ARHGAP27: variants seen among roughly 807,000 people sequenced by gnomAD.
ARHGAP27 encodes the protein rho GTPase-activating protein 27.
ARHGAP27 carries 53 observed loss-of-function variants against 102.0 expected under a neutral mutation model. The ratio of observed to expected loss-of-function variants is 0.52; its 90% CI spans 0.42 to 0.65. ARHGAP27 has a LOEUF of 0.65. Among genes scored for constraint, ARHGAP27 ranks in the 30% least tolerant of loss-of-function variants. The probability of loss-of-function intolerance (pLI) is 0.00; values close to 1 mark genes in which losing one functional copy is unlikely to be tolerated. For missense variants in ARHGAP27, 1,117 were observed against 1,256.2 expected, an observed-to-expected ratio of 0.89 and a Z score of 1.68; for synonymous variants, 525 against 542.8, an observed-to-expected ratio of 0.97 and a Z score of 0.46.
intron 11 of ARHGAP27, among the ~76,000 whole-genome samples, chr17:45,403,390 T>C (rs2046692086): frequency 6.6e-6 from 1 of 151,984 alleles, no homozygotes; most frequent in Non-Finnish European, 1.5e-5. Context: ...TAAAACCCTA[T>C]CTCTACTAAA....
chr17:45,410,406 G>A (rs915597604), intron 4 of ARHGAP27: 9 of 1,376,670 alleles, frequency 6.5e-6, no homozygotes, highest in African/African-American at 4.5e-5. Flanking sequence ...CCGAGATGGC[G>A]GGAGGCTGAG....
In ARHGAP27 at chr17:45,404,530, T is replaced by G; in HGVS notation, c.1330-2A>C. 1.2e-6 allele frequency: 2 copies of G among 1,613,274 alleles called. No homozygotes were observed. Among genetic ancestry groups the G allele is most frequent in the Non-Finnish European group, 1.7e-6 (2 of 1,179,704 alleles). On this transcript the variant is annotated splice_acceptor_variant, in intron 7 of 19. Coordinates refer to ENST00000685559, the MANE Select transcript of ARHGAP27 (RefSeq NM_001282290.2). LOFTEE classifies it high-confidence loss of function. ...GCTTCGAGGGGCAGGGACAGGGACC[T>G]GGGGAGAAAGACACAGTCGTATATG...
rs1323286745 is a variant in ARHGAP27, at chr17:45,399,620, GA to G, written c.1744-1574del. Reference sequence around the variant, plus strand: ...GAAAAGAAAAGAAAAGAAAAGAAAAGAAAATGGCATATCTCATCCCCTAGCC... The same window carrying G: ...GAAAAGAAAAGAAAAGAAAAGAAAAGAAATGGCATATCTCATCCCCTAGCC... On this transcript the variant is annotated intron_variant, in intron 12 of 19. Transcript: ENST00000685559. Among the ~76,000 whole-genome samples, 4 of 136,440 alleles carry G rather than the reference GA, an allele frequency of 2.9e-5. No homozygotes were observed. The East Asian group carries it at 6.5e-4, about 22-fold the overall frequency. 89.5% of individuals were successfully genotyped at this position (136,440 alleles called of 152,430 possible). A position where few individuals can be genotyped will look rare whatever the true frequency, so the allele number is the denominator to read the frequency against.
At chr17:45,397,860 C>G in intron 13 of ARHGAP27, 89 bp downstream of exon 13, 1 of 1,194,006 alleles carries the variant, frequency 8.4e-7, no homozygotes, top group Non-Finnish European at 1.2e-6. Context: ...CCCACTGGTA[C>G]CTTAGAGCTC....
intron 4 of ARHGAP27, among the ~76,000 whole-genome samples, chr17:45,423,614 C>A (rs1469014183): frequency 6.6e-6 from 1 of 152,168 alleles, no homozygotes; most frequent in Admixed American, 6.5e-5. Flanking sequence ...ATCTTCCATA[C>A]CATAACTGCC....
At chr17:45,397,313 A>G (rs944589007) in intron 13 of ARHGAP27, 5 of 1,304,932 alleles carry the variant, frequency 3.8e-6, no homozygotes, top group Admixed American at 3.7e-5. Context: ...TTCTTTCTCT[A>G]TTTTCCTCAG....
intron 4 of ARHGAP27, among the ~76,000 whole-genome samples, chr17:45,424,112 C>A (rs550551718): frequency 6.6e-6 from 1 of 152,192 alleles, no homozygotes; most frequent in Non-Finnish European, 1.5e-5. Flanking sequence ...CCCCTCCTTT[C>A]ATGCCTCACA....
At chr17:45,424,669 A>T (rs1246630124) in intron 4 of ARHGAP27, among the ~76,000 whole-genome samples, 1 of 145,088 alleles carries the variant, frequency 6.9e-6, no homozygotes, top group Non-Finnish European at 1.5e-5. Context: ...GGAGTGGGGG[A>T]AGGGTGGGAG....
intron 4 of ARHGAP27, chr17:45,410,025 CCT>C (rs1299295188): frequency 3.2e-6 from 2 of 622,758 alleles, no homozygotes; most frequent in African/African-American, 3.8e-5. Context: ...AGTTCCCTCC[CCT>C]GTCCACAAGC....
rs368845773 is a variant in ARHGAP27 at position 45,395,896 on chromosome 17, G to T, written c.2387-47C>A. 7 of 1,579,890 alleles carry T rather than the reference G, an allele frequency of 4.4e-6. No individual in the cohort carries two copies. The South Asian group carries it at 4.6e-5, about 10-fold the overall frequency. The stretch of plus-strand genomic sequence containing the variant: ...GGGAGGGAGTCGGAACGGGAGGTAG[G>T]GGGTATCGGCTGGGCGAGGGGAGCC... On this transcript the variant is annotated intron_variant, in intron 18 of 19. Transcript: ENST00000685559.
Position 45,395,801 on chromosome 17 carries a change from C to G in ARHGAP27, c.2435G>C (p.Arg812Pro). Residue 812 changes from arginine (R) to proline (P), a missense_variant, in exon 19 of 20, where the codon CGC (arginine) becomes CCC (proline). By Grantham distance (103) the Arg-to-Pro change is moderately radical. Transcript: ENST00000685559. Reference protein sequence around the residue: ...RRSRCVRDLVRSLPAPNHDTL... With the variant: ...RRSRCVRDLVPSLPAPNHDTL... ...GTCGTGGTTGGGAGCGGGCAGCGAG[C>G]GCACCAAGTCACGCACACAGCGGCT... 2 of 1,605,936 alleles carry G rather than the reference C, an allele frequency of 1.2e-6. No homozygotes were observed. The highest frequency in any genetic ancestry group is 1.3e-5 in the African/African-American group (1 of 74,912).
chr17:45,403,321 A>G (rs987107552), intron 11 of ARHGAP27, among the ~76,000 whole-genome samples: 2 of 152,176 alleles, frequency 1.3e-5, no homozygotes, highest in Non-Finnish European at 2.9e-5. Context: ...GCACTTGAGG[A>G]GGTCGAGGTG....
Position 45,396,508 on chromosome 17 carries a change from T to C in ARHGAP27, c.2152A>G (p.Ile718Val), listed in dbSNP as rs758940297. The C allele has an allele frequency of 2.2e-5, 34 of 1,564,334 alleles. No individual in the cohort carries two copies. In the South Asian group the frequency reaches 3.7e-4, roughly 17 times the overall value. ...GTACCGCGGGCCTCGACGGCGCGGA[T>C]GCACTGCTGCACGAAGCGTGGCACC... ...SRVPRFVQQC[I>V]RAVEARGLDI... Residue 718 changes from isoleucine (I) to valine (V), a missense_variant, in exon 16 of 20, where the codon ATC becomes GTC. Ile to Val is a conservative substitution (Grantham distance 29). Around this residue, in one of 3 missense-constraint regions of ARHGAP27, gnomAD observed 493 missense variants for 505.5 expected, o/e 0.98. Transcript: ENST00000685559.
chr17:45,411,949 G>C (rs952697604), intron 4 of ARHGAP27, among the ~76,000 whole-genome samples: 1 of 152,212 alleles, frequency 6.6e-6, no homozygotes, highest in African/African-American at 2.4e-5. Context: ...TGGGTGGAGA[G>C]GGGAGAGAAG....
rs199828774 is a variant in ARHGAP27, at chr17:45,395,610, T to C, written c.2516A>G (p.Asn839Ser). 6.2e-7 allele frequency: 1 copy of C among 1,607,674 alleles called. No individual in the cohort carries two copies. The highest frequency in any genetic ancestry group is 8.5e-7 in the Non-Finnish European group (1 of 1,177,352). The change falls in exon 20 of 20, where the codon AAC (asparagine) becomes AGC (serine). Residue 839 changes from asparagine to serine, a missense_variant. Asn to Ser is a conservative substitution (Grantham distance 46). Around this residue, in one of 3 missense-constraint regions of ARHGAP27, gnomAD observed 493 missense variants for 505.5 expected, o/e 0.98. Transcript: ENST00000685559. ...GGCCACGCTCTGCACCGACATGCGG[T>C]TCTGCTCGCCGTGCTCGATCACCCT... is the stretch of plus-strand genomic sequence containing the variant. ...LCRVIEHGEQ[N>S]RMSVQSVAIV...
intron 4 of ARHGAP27, among the ~76,000 whole-genome samples, chr17:45,425,878 C>T (rs1258030765): frequency 4.6e-5 from 7 of 152,206 alleles, no homozygotes; most frequent in Non-Finnish European, 1.0e-4. Context: ...TGAGTGGCCT[C>T]TTTGTGGGAG....
At chr17:45,426,201 C>G (rs565603715) in intron 4 of ARHGAP27, among the ~76,000 whole-genome samples, 1 of 152,098 alleles carries the variant, frequency 6.6e-6, no homozygotes, top group African/African-American at 2.4e-5. Flanking sequence ...ACTTCCTGGC[C>G]GTGTGAGCTT....
At chr17:45,402,888 A>G in intron 11 of ARHGAP27, 70 bp from the exon 12 acceptor site, 2 of 1,352,222 alleles carry the variant, frequency 1.5e-6, no homozygotes, top group Non-Finnish European at 2.1e-6. Flanking sequence ...CTCTGACCCT[A>G]GGAATAGGAT....
At chr17:45,409,988 C>T (rs1377527361) in intron 4 of ARHGAP27, 2 of 546,654 alleles carry the variant, frequency 3.7e-6, no homozygotes, top group Admixed American at 3.6e-5. Context: ...CCTGGTACTG[C>T]CTTACAGTGG....
Sources: gnomAD v4.1 joint callset for allele counts (sites outside exome capture counted in the v4.1 genomes callset) on GRCh38, gnomAD v4.1.1 for gene constraint, gnomAD v4.1.1 regional missense constraint, MANE v1.5 for transcripts, NCBI Gene and HGNC (gene_info 2026-07-23, HGNC 2026-07-21) for gene names.